C20orf96: variants seen among roughly 807,000 people sequenced by gnomAD.
C20orf96 encodes the protein chromosome 20 open reading frame 96.
Under a neutral mutation model 52.6 loss-of-function variants are expected in C20orf96, and 57 were observed. The observed-to-expected ratio is 1.08, with a 90% CI of 0.88 to 1.35. C20orf96 has a LOEUF of 1.35. Ranked by LOEUF, C20orf96 falls within the 40% of genes most tolerant of loss-of-function variation. The pLI, the probability that C20orf96 is intolerant of heterozygous loss-of-function variation, is 0.00. For synonymous variants in C20orf96, 168 were observed against 157.2 expected, an observed-to-expected ratio of 1.07 and a Z score of -0.51; for missense variants, 478 against 443.6, an observed-to-expected ratio of 1.08 and a Z score of -0.70.
In C20orf96 at chr20:290,704, C is replaced by A; in HGVS notation, c.-94G>T. 6.7e-7 allele frequency: 1 copy of A among 1,496,230 alleles called. No individual in the cohort carries two copies. Among genetic ancestry groups the A allele is most frequent in the Admixed American group, 1.9e-5 (1 of 51,332 alleles). The allele number at this position is 1,496,230 out of a possible 1,614,324, so 92.7% of individuals were successfully genotyped here. On this transcript the variant is annotated 5_prime_UTR_variant, in exon 1 of 11. Coordinates refer to ENST00000360321, the MANE Select transcript of C20orf96 (RefSeq NM_153269.3). ...CCAACTTCCTTGTCTCAGTGTAGAT[C>A]GCGCGGTAACCCAGGCCACTCAGAA...
At position 271,457 on chromosome 20, in the gene C20orf96, C is replaced by T. The variant is rs1027519961; in HGVS notation, c.1032-190G>A. On this transcript the variant is annotated intron_variant, in intron 10 of 10. Coordinates refer to ENST00000360321, the MANE Select transcript of C20orf96 (RefSeq NM_153269.3). ...ATACACAAGCATACACACACACACA[C>T]ACACACACACACACACACACACATA... Among the ~76,000 whole-genome samples the T allele has an allele frequency of 2.4e-3, 355 of 147,702 alleles. 6 individuals are homozygous for T. The highest frequency in any genetic ancestry group is 1.3e-3 in the Non-Finnish European group (88 of 67,390).
intron 10 of C20orf96, among the ~76,000 whole-genome samples, chr20:274,786 T>C (rs2011961072): frequency 6.6e-6 from 1 of 151,912 alleles, no homozygotes; most frequent in Non-Finnish European, 1.5e-5. Context: ...CTTGCTGTCC[T>C]AACAGTTGCT....
chr20:277,057 C>T lies in C20orf96; in HGVS notation c.812G>A (p.Ser271Asn), dbSNP rs2012050769. 6.2e-7 allele frequency: 1 copy of T among 1,613,660 alleles called. No homozygotes were observed. Among genetic ancestry groups the T allele is most frequent in the East Asian group, 2.2e-5 (1 of 44,868 alleles). ...CTGGCTACTCACCGCCACCACAGAA[C>T]TCAGAATTTTTTTCTTCTTCTTCTG... ...KIQKKKKKIL[S>N]SVVAETQRPY... Residue 271 changes from serine (S) to asparagine (N), a missense_variant, in exon 8 of 11, where the codon AGT becomes AAT. Physicochemically the swap from Ser to Asn is conservative, Grantham distance 46 (BLOSUM62 1). Transcript: ENST00000360321.
At position 290,595 on chromosome 20, in the gene C20orf96, G is replaced by A; in HGVS notation, c.16C>T (p.Gln6Ter). 2 of 1,140,364 alleles carry A rather than the reference G, an allele frequency of 1.8e-6. No individual in the cohort carries two copies. Among genetic ancestry groups the A allele is most frequent in the Non-Finnish European group, 2.4e-6 (2 of 824,352 alleles). The allele number at this position is 1,140,364 out of a possible 1,614,324, so 70.6% of individuals were successfully genotyped here. A position where few individuals can be genotyped will look rare whatever the true frequency, so the allele number is the denominator to read the frequency against. Residue 6 changes from glutamine (Q) to a stop codon, truncating the protein, a stop_gained, in exon 1 of 11, where the codon CAA becomes TAA. Coordinates refer to ENST00000360321, the MANE Select transcript of C20orf96 (RefSeq NM_153269.3). LOFTEE classifies it high-confidence loss of function. The stretch of plus-strand genomic sequence containing the variant: ...TTTTTTTTTTTTTTTACCTACTTTT[G>A]TAAGACATGCGCCATTGGGGAAAAT... MAHVL[Q>*]KPKHSGTHSI... is the part of the protein sequence containing the mutation.
At chr20:286,007 A>T (rs1371219994) in intron 3 of C20orf96, among the ~76,000 whole-genome samples, 1 of 152,234 alleles carries the variant, frequency 6.6e-6, no homozygotes, top group African/African-American at 2.4e-5. Flanking sequence ...TGTGGCTTAA[A>T]AGGTTTAGGA....
intron 4 of C20orf96, among the ~76,000 whole-genome samples, chr20:281,498 C>T (rs147582434): frequency 2.0e-4 from 31 of 152,332 alleles, no homozygotes; most frequent in Non-Finnish European, 3.7e-4. Context: ...CTCATTTCTC[C>T]GTCCTTTACT....
At chr20:288,415 T>C (rs74812238) in intron 3 of C20orf96, among the ~76,000 whole-genome samples, 4,218 of 152,186 alleles carry the variant, frequency 0.028, 63 homozygotes, top group Non-Finnish European at 0.043. Context: ...CTGGCAGGGA[T>C]GAGTGGGGAG....
At chr20:290,400 G>A (rs2012508633) in intron 1 of C20orf96, 93 bp from the exon 2 acceptor site, 7 of 1,567,450 alleles carry the variant, frequency 4.5e-6, no homozygotes, top group Non-Finnish European at 6.1e-6. Flanking sequence ...TCTCGAACCA[G>A]AAACTGCAGT....
At chr20:289,503 C>T (rs1292943134) in intron 3 of C20orf96, 56 bp downstream of exon 3, 1 of 1,168,510 alleles carries the variant, frequency 8.6e-7, no homozygotes, top group South Asian at 1.2e-5. Context: ...GAGCCAAAAG[C>T]AGCCACTCTA....
At chr20:276,578 T>G in intron 9 of C20orf96, 1 of 985,344 alleles carries the variant, frequency 1.0e-6, no homozygotes, top group Non-Finnish European at 1.2e-6. Context: ...TAGCCAGCAT[T>G]GCTGGCTAAT....
chr20:270,932 A>G lies in C20orf96; in HGVS notation c.*275T>C. On this transcript the variant is annotated 3_prime_UTR_variant, in exon 11 of 11. Transcript: ENST00000360321. ...TTAATCAGAAATTCCCACCTGGCCC[A>G]GCAGCACCAACCAGAAAGAAGGGAA... 1 of 463,510 alleles carries G rather than the reference A, an allele frequency of 2.2e-6. No homozygotes were observed. The highest frequency in any genetic ancestry group is 3.8e-6 in the Non-Finnish European group (1 of 260,784). The allele number at this position is 463,510 out of a possible 1,614,324, so 28.7% of individuals were successfully genotyped here.
chr20:271,306 G>A, intron 10 of C20orf96, 39 bp from the exon 11 acceptor site: 3 of 1,512,340 alleles, frequency 2.0e-6, no homozygotes, highest in Non-Finnish European at 8.9e-7. Context: ...AGAGACCAGA[G>A]GTGGCGGTGT....
chr20:290,550 C>A, intron 1 of C20orf96, 41 bp downstream of exon 1: 1 of 1,592,876 alleles, frequency 6.3e-7, no homozygotes, highest in Non-Finnish European at 8.5e-7. Context: ...ATGCGTATTC[C>A]GCCTTTCTTC....
intron 3 of C20orf96, among the ~76,000 whole-genome samples, chr20:288,197 T>G (rs1375536174): frequency 6.8e-6 from 1 of 146,396 alleles, no homozygotes; most frequent in African/African-American, 2.5e-5. Flanking sequence ...TTTTTTTTTT[T>G]GCCTATGGGT....
rs1568491457 is a variant in C20orf96 at position 279,088 on chromosome 20, G to GA, written c.465+83_465+84insT. On this transcript the variant is annotated intron_variant, in intron 5 of 10. Transcript: ENST00000360321. ...GGAGGGAGGGAGGGAGGGACGGAGG[G>GA]CGGGACGGAGGGACGGAGGGAGGGA... 6.0e-5 allele frequency: 52 copies of GA among 862,184 alleles called. 1 individual carries two copies. The Middle Eastern group carries it at 1.3e-3, about 21-fold the overall frequency. 53.4% of individuals were successfully genotyped at this position (862,184 alleles called of 1,614,324 possible).
intron 10 of C20orf96, among the ~76,000 whole-genome samples, chr20:273,055 A>G (rs1187099341): frequency 6.6e-6 from 1 of 151,986 alleles, no homozygotes; most frequent in Admixed American, 6.6e-5. Flanking sequence ...GCTCACTACA[A>G]CCTCTGTCTC....
intron 3 of C20orf96, among the ~76,000 whole-genome samples, chr20:286,237 C>A (rs1400757081): frequency 6.6e-6 from 1 of 152,128 alleles, no homozygotes; most frequent in Admixed American, 6.5e-5. Context: ...TACGGAGGGG[C>A]TGGCCGTGGT....
chr20:290,718 G>C lies in C20orf96; in HGVS notation c.-108C>G. On this transcript the variant is annotated 5_prime_UTR_variant, in exon 1 of 11. Transcript: ENST00000360321. ...TCAGTGTAGATCGCGCGGTAACCCA[G>C]GCCACTCAGAAGTCCCGAGACCCGA... The C allele has an allele frequency of 7.6e-7, 1 of 1,308,940 alleles. No individual in the cohort carries two copies. Among genetic ancestry groups the C allele is most frequent in the Middle Eastern group, 1.9e-4 (1 of 5,280 alleles). 81.1% of individuals were successfully genotyped at this position (1,308,940 alleles called of 1,614,324 possible).
At chr20:272,134 G>A (rs962873964) in intron 10 of C20orf96, among the ~76,000 whole-genome samples, 4 of 151,754 alleles carry the variant, frequency 2.6e-5, no homozygotes, top group Non-Finnish European at 5.9e-5. Flanking sequence ...AAATCTAGAT[G>A]GGCAAAACTG....
Sources: gnomAD v4.1 joint callset for allele counts (sites outside exome capture counted in the v4.1 genomes callset) on GRCh38, gnomAD v4.1.1 for gene constraint, MANE v1.5 for transcripts, NCBI Gene and HGNC (gene_info 2026-07-23, HGNC 2026-07-21) for gene names.